Variants in SCAPER observed in about 807,000 individuals in gnomAD.
SCAPER encodes the protein S phase cyclin A-associated protein in the endoplasmic reticulum.
A neutral mutation model predicts 182.2 loss-of-function variants in SCAPER; 98 were observed. The ratio of observed to expected loss-of-function variants is 0.54; its 90% CI spans 0.46 to 0.64. SCAPER has a LOEUF of 0.64. SCAPER is among the 30% of genes least tolerant of loss of function. The pLI, the probability that SCAPER is intolerant of heterozygous loss-of-function variation, is 0.00. For synonymous variants in SCAPER, 605 were observed against 564.6 expected, an observed-to-expected ratio of 1.07 and a Z score of -1.01; for missense variants, 1,432 against 1,690.0, an observed-to-expected ratio of 0.85 and a Z score of 2.68.
At chr15:76,702,143 A>T (rs530825202) in intron 19 of SCAPER, among the ~76,000 whole-genome samples, 15 of 151,802 alleles carry the variant, frequency 9.9e-5, no homozygotes, top group African/African-American at 3.6e-4. Context: ...AGCTTGGGTG[A>T]CAAAGCGATA....
intron 21 of SCAPER, among the ~76,000 whole-genome samples, chr15:76,631,905 A>G (rs913859769): frequency 2.0e-5 from 3 of 152,122 alleles, no homozygotes; most frequent in Admixed American, 2.0e-4. Flanking sequence ...CATTCTCCCC[A>G]TCTCTTTCAG....
At chr15:76,400,234 A>G (rs959894058) in intron 27 of SCAPER, among the ~76,000 whole-genome samples, 2 of 152,160 alleles carry the variant, frequency 1.3e-5, no homozygotes, top group African/African-American at 4.8e-5. Context: ...AGCCCTCTCT[A>G]GCTCCTCTTC....
At chr15:76,778,496 C>A (rs989707649) in intron 8 of SCAPER, among the ~76,000 whole-genome samples, 2 of 151,938 alleles carry the variant, frequency 1.3e-5, no homozygotes, top group Admixed American at 6.5e-5. Context: ...AAATGCAAAG[C>A]AGTTCAGAGA....
intron 23 of SCAPER, among the ~76,000 whole-genome samples, chr15:76,565,444 C>A (rs548805559): frequency 6.6e-6 from 1 of 152,150 alleles, no homozygotes; most frequent in East Asian, 1.9e-4. Flanking sequence ...CATCACTGAT[C>A]ATTAGAGAAA....
Position 76,764,943 on chromosome 15 carries a change from T to TA in SCAPER, c.1725+17dup. On this transcript the variant is annotated intron_variant, in intron 14 of 31. Coordinates refer to ENST00000563290, the MANE Select transcript of SCAPER (RefSeq NM_020843.4). ...GCAACTTCAGACTATCATAATTTCC[T>TA]AAAAAATAAAAACTCACCCTTTCTA... The TA allele has an allele frequency of 6.7e-7, 1 of 1,497,446 alleles. No homozygotes were observed. Among genetic ancestry groups the TA allele is most frequent in the Non-Finnish European group, 9.1e-7 (1 of 1,101,728 alleles). 92.8% of individuals were successfully genotyped at this position (1,497,446 alleles called of 1,614,324 possible). A position where few individuals can be genotyped will look rare whatever the true frequency, so the allele number is the denominator to read the frequency against.
At chr15:76,732,952 G>A (rs912655865) in intron 16 of SCAPER, among the ~76,000 whole-genome samples, 1 of 152,064 alleles carries the variant, frequency 6.6e-6, no homozygotes, top group Non-Finnish European at 1.5e-5. Flanking sequence ...TTGACCTTAC[G>A]TATCATTGGA....
intron 23 of SCAPER, among the ~76,000 whole-genome samples, chr15:76,547,702 CATTG>C (rs148799367): frequency 0.075 from 11,463 of 152,026 alleles, 493 homozygotes; most frequent in Middle Eastern, 0.11. Context: ...TACATCCACT[CATTG>C]ATTGATTGAT....
rs957624690 is a variant in SCAPER, at chr15:76,374,871, A to G, written c.3855+1291T>C. ...GCCATAATCCCAGTTTCAAAGATAA[A>G]GAGAAATAAGGTACTTTATTATTAG... On this transcript the variant is annotated intron_variant, in intron 29 of 31. Transcript: ENST00000563290. Among the ~76,000 whole-genome samples, 3 of 152,236 alleles carry G rather than the reference A, an allele frequency of 2.0e-5. No homozygotes were observed. The East Asian group carries it at 5.8e-4, about 29-fold the overall frequency.
At chr15:76,481,511 A>T (rs188777797) in intron 24 of SCAPER, among the ~76,000 whole-genome samples, 1,641 of 152,288 alleles carry the variant, frequency 0.011, 38 homozygotes, top group African/African-American at 0.037. Context: ...GCATATATAT[A>T]TTTTTTTGTT....
At chr15:76,749,950 G>T (rs922051560) in intron 15 of SCAPER, among the ~76,000 whole-genome samples, 1 of 151,682 alleles carries the variant, frequency 6.6e-6, no homozygotes, top group Admixed American at 6.6e-5. Flanking sequence ...AAACAACAAA[G>T]CTTATGGACT....
chr15:76,861,949 A>G (rs2071909305), intron 3 of SCAPER: 1 of 152,288 alleles, frequency 6.6e-6, no homozygotes, highest in Non-Finnish European at 1.5e-5. Flanking sequence ...AGAAGTACCG[A>G]GCTTAGGGGA....
At chr15:76,814,149 C>G (rs1053381123) in intron 5 of SCAPER, among the ~76,000 whole-genome samples, 12 of 151,858 alleles carry the variant, frequency 7.9e-5, no homozygotes, top group Non-Finnish European at 2.9e-5. Flanking sequence ...GCCTGGGCGT[C>G]AAAGCGAGAC....
At chr15:76,730,603 T>C (rs950741050) in intron 16 of SCAPER, among the ~76,000 whole-genome samples, 5 of 152,186 alleles carry the variant, frequency 3.3e-5, no homozygotes, top group African/African-American at 9.6e-5. Context: ...ATTCCTCTTA[T>C]AGTCCAATTT....
chr15:76,379,198 T>C (rs1258503961), intron 28 of SCAPER, among the ~76,000 whole-genome samples: 1 of 151,678 alleles, frequency 6.6e-6, no homozygotes, highest in Non-Finnish European at 1.5e-5. Flanking sequence ...GAAAGAAACA[T>C]GAAGGGTAAA....
chr15:76,797,548 G>T (rs1334179035), intron 7 of SCAPER: 1 of 152,122 alleles, frequency 6.6e-6, no homozygotes, highest in Non-Finnish European at 1.5e-5. Context: ...ACCTATGACT[G>T]GCCTTGAGGC....
At chr15:76,863,774 G>A (rs1366786544) in intron 2 of SCAPER, among the ~76,000 whole-genome samples, 2 of 152,098 alleles carry the variant, frequency 1.3e-5, no homozygotes, top group African/African-American at 4.8e-5. Flanking sequence ...GCGGCAGAAG[G>A]GACACTGCAT....
At chr15:76,363,155 G>A (rs553169409) in intron 29 of SCAPER, among the ~76,000 whole-genome samples, 1 of 152,290 alleles carries the variant, frequency 6.6e-6, no homozygotes, top group Non-Finnish European at 1.5e-5. Flanking sequence ...CAGTCTCAAG[G>A]CTGTCTGCTC....
intron 17 of SCAPER, among the ~76,000 whole-genome samples, chr15:76,717,225 T>C (rs2059936219): frequency 6.6e-6 from 1 of 151,700 alleles, no homozygotes; most frequent in African/African-American, 2.4e-5. Context: ...AAATAAAGTC[T>C]TCCCCAGACA....
intron 7 of SCAPER, among the ~76,000 whole-genome samples, chr15:76,799,449 G>A (rs1307085698): frequency 6.7e-6 from 1 of 148,154 alleles, no homozygotes; most frequent in Non-Finnish European, 1.5e-5. Context: ...TTTTAGTAGA[G>A]ATGGGGTTTT....
Sources: gnomAD v4.1 joint callset for allele counts (sites outside exome capture counted in the v4.1 genomes callset) on GRCh38, gnomAD v4.1.1 for gene constraint, MANE v1.5 for transcripts, NCBI Gene and HGNC (gene_info 2026-07-23, HGNC 2026-07-21) for gene names.